The following CADM1 variants were observed in gnomAD, a reference collection of about 807,000 sequenced individuals.
CADM1 encodes the protein TSLC-1.
In CADM1, 15 loss-of-function variants were observed where a neutral mutation model predicts 53.1. That is an observed-to-expected ratio of 0.28 (90% CI 0.19 to 0.44). The LOEUF is 0.44. Among genes scored for constraint, CADM1 ranks in the 20% least tolerant of loss-of-function variants. CADM1 has a pLI of 1.00. For synonymous variants in CADM1, 281 were observed against 243.0 expected (o/e 1.16, Z -1.45); for missense variants, 434 against 611.3 (o/e 0.71, Z 3.06).
chr11:115,376,079 T>C (rs922449234), intron 1 of CADM1, among the ~76,000 whole-genome samples: 1 of 152,192 alleles, frequency 6.6e-6, no homozygotes, highest in Non-Finnish European at 1.5e-5. Flanking sequence ...AGAAGCCATG[T>C]TGCTTGGTGG....
At chr11:115,363,171 G>A (rs1226060414) in intron 1 of CADM1, among the ~76,000 whole-genome samples, 4 of 152,176 alleles carry the variant, frequency 2.6e-5, no homozygotes, top group Non-Finnish European at 5.9e-5. Context: ...CCCACTGAGT[G>A]AACCTGGCAC....
At chr11:115,181,016 G>A (rs1206406870) in intron 10 of CADM1, among the ~76,000 whole-genome samples, 4 of 152,124 alleles carry the variant, frequency 2.6e-5, no homozygotes, top group Admixed American at 1.3e-4. Context: ...GGTGAAGAGA[G>A]GTTCCAGGAA....
chr11:115,424,348 G>A (rs1246107292), intron 1 of CADM1, among the ~76,000 whole-genome samples: 1 of 152,128 alleles, frequency 6.6e-6, no homozygotes, highest in Non-Finnish European at 1.5e-5. Flanking sequence ...AGGATAACAG[G>A]TGCTATATCA....
chr11:115,176,767 G>T (rs571750632), intron 11 of CADM1, among the ~76,000 whole-genome samples, 175 bp from the exon 12 acceptor site: 1 of 152,236 alleles, frequency 6.6e-6, no homozygotes, highest in East Asian at 1.9e-4. Flanking sequence ...GGATCCGGGG[G>T]TTCCAAAGGC....
intron 1 of CADM1, among the ~76,000 whole-genome samples, chr11:115,436,841 T>G (rs1481678629): frequency 6.6e-6 from 1 of 152,124 alleles, no homozygotes; most frequent in Non-Finnish European, 1.5e-5. Context: ...TATTTAATTT[T>G]TGTTGAAAAA....
chr11:115,176,719 C>A (rs1939047017), intron 11 of CADM1, 127 bp from the exon 12 acceptor site: 1 of 822,430 alleles, frequency 1.2e-6, no homozygotes, highest in Non-Finnish European at 2.1e-6. Context: ...GGGGAAAAAA[C>A]AATTGGAAGA....
At chr11:115,261,051 A>AT (rs369808097) in intron 1 of CADM1, among the ~76,000 whole-genome samples, 41 of 152,234 alleles carry the variant, frequency 2.7e-4, no homozygotes, top group Admixed American at 3.9e-4. Flanking sequence ...CCCACTTGTT[A>AT]CATAGGCCAA....
intron 1 of CADM1, among the ~76,000 whole-genome samples, chr11:115,477,383 T>C (rs1218559088): frequency 1.3e-5 from 2 of 152,184 alleles, no homozygotes; most frequent in African/African-American, 4.8e-5. Flanking sequence ...AAGAATCCAA[T>C]GGTTATTTCT....
intron 1 of CADM1, among the ~76,000 whole-genome samples, chr11:115,400,659 GTGTATATA>G (rs1475298148): frequency 9.6e-4 from 37 of 38,654 alleles, no homozygotes; most frequent in South Asian, 2.7e-3. Flanking sequence ...GTGTGTGTGT[GTGTATATA>G]TATATATATA....
chr11:115,320,634 G>A (rs1383358629), intron 1 of CADM1, among the ~76,000 whole-genome samples: 3 of 151,784 alleles, frequency 2.0e-5, no homozygotes, highest in African/African-American at 4.8e-5. Flanking sequence ...TTAGTGTTTA[G>A]ACCTACAGTT....
chr11:115,306,107 C>A (rs1944365387), intron 1 of CADM1, among the ~76,000 whole-genome samples: 1 of 151,216 alleles, frequency 6.6e-6, no homozygotes, highest in East Asian at 1.9e-4. Flanking sequence ...CACACACATA[C>A]CGTCATGTGC....
intron 1 of CADM1, among the ~76,000 whole-genome samples, chr11:115,337,419 C>T (rs1945296210): frequency 6.6e-6 from 1 of 152,120 alleles, no homozygotes; most frequent in African/African-American, 2.4e-5. Flanking sequence ...GAGAAACCAA[C>T]TTGCTCATGG....
chr11:115,407,470 A>G (rs527242712), intron 1 of CADM1, among the ~76,000 whole-genome samples: 1 of 152,148 alleles, frequency 6.6e-6, no homozygotes, highest in African/African-American at 2.4e-5. Flanking sequence ...ATTTGTTTTC[A>G]TTAAGTGCTG....
At chr11:115,331,877 T>A (rs913056221) in intron 1 of CADM1, among the ~76,000 whole-genome samples, 3 of 151,492 alleles carry the variant, frequency 2.0e-5, no homozygotes, top group Non-Finnish European at 4.4e-5. Flanking sequence ...ATAGACCTTT[T>A]TTTTTGTTTT....
chr11:115,433,604 G>A (rs2135302764), intron 1 of CADM1, among the ~76,000 whole-genome samples: 2 of 152,290 alleles, frequency 1.3e-5, no homozygotes, highest in East Asian at 1.9e-4. Flanking sequence ...GAGTTACACA[G>A]GATCCTCAAT....
intron 1 of CADM1, among the ~76,000 whole-genome samples, chr11:115,283,791 C>A (rs929882759): frequency 1.3e-5 from 2 of 152,164 alleles, no homozygotes; most frequent in African/African-American, 2.4e-5. Context: ...TCCCACAGGG[C>A]CCTGTGCCAC....
At chr11:115,353,909 G>T (rs1417949718) in intron 1 of CADM1, among the ~76,000 whole-genome samples, 7 of 152,120 alleles carry the variant, frequency 4.6e-5, no homozygotes, top group African/African-American at 1.4e-4. Flanking sequence ...GTATGTGAAA[G>T]GCATGGCACA....
At chr11:115,462,580 T>C (rs961583020) in intron 1 of CADM1, among the ~76,000 whole-genome samples, 9 of 152,168 alleles carry the variant, frequency 5.9e-5, no homozygotes, top group African/African-American at 2.2e-4. Flanking sequence ...CAGAGCCCCA[T>C]GAACCTATTA....
intron 1 of CADM1, among the ~76,000 whole-genome samples, chr11:115,472,127 A>G (rs964235913): frequency 1.3e-5 from 2 of 152,226 alleles, no homozygotes; most frequent in Non-Finnish European, 2.9e-5. Context: ...TCTATCTTCA[A>G]GAAAATAAAG....
Sources: allele counts gnomAD v4.1 joint callset (sites outside exome capture counted in the v4.1 genomes callset), GRCh38; gene constraint gnomAD v4.1.1; transcripts MANE v1.5; gene names NCBI Gene and HGNC (gene_info 2026-07-23, HGNC 2026-07-21).